The following IL3RA variants were observed in gnomAD, a reference collection of about 807,000 sequenced individuals.
IL3RA encodes interleukin-3 receptor subunit alpha.
IL3RA carries 73 observed loss-of-function variants against 52.3 expected under a neutral mutation model. The ratio of observed to expected loss-of-function variants is 1.40; its 90% CI spans 1.16 to 1.70. The LOEUF (loss-of-function observed/expected upper bound fraction) is 1.70, where lower values mean the gene tolerates loss of function less well. Among genes scored for constraint, IL3RA ranks in the 40% most tolerant of loss-of-function variants. IL3RA has a pLI of 0.00. For missense variants in IL3RA, 664 were observed against 504.4 expected (o/e 1.32, Z -3.03); for synonymous variants, 260 against 194.0 (o/e 1.34, Z -2.83).
At chrX:1,340,950 C>T (rs1165565103) in intron 1 of IL3RA, among the ~76,000 whole-genome samples, 2 of 152,262 alleles carry the variant, frequency 1.3e-5, no homozygotes, top group South Asian at 2.1e-4. Context: ...AACCCCGTCT[C>T]TGCTAAAAAT....
At chrX:1,342,421 C>T (rs1371563288) in intron 2 of IL3RA, among the ~76,000 whole-genome samples, 1 of 151,984 alleles carries the variant, frequency 6.6e-6, no homozygotes, top group African/African-American at 2.4e-5. Context: ...CTGCCTTGGC[C>T]TCCCAAAGTG....
At chrX:1,367,785 CTGAGCGGGGTGCGCCGGG>C (rs1486486539) in intron 9 of IL3RA, among the ~76,000 whole-genome samples, 2 of 35,420 alleles carry the variant, frequency 5.6e-5, no homozygotes, top group African/African-American at 2.3e-4. Context: ...GGTGCGCGGG[CTGAGCGGGGTGCGCCGGG>C]TGAGCGGGGT....
intron 1 of IL3RA, among the ~76,000 whole-genome samples, chrX:1,339,752 A>C (rs1230524501): frequency 6.6e-6 from 1 of 152,086 alleles, no homozygotes; most frequent in Non-Finnish European, 1.5e-5. Flanking sequence ...AGATCGCGCC[A>C]CTGCACTCCG....
chrX:1,359,801 CCTCTCTTTCT>C (rs1468115043), intron 8 of IL3RA, among the ~76,000 whole-genome samples: 8 of 146,028 alleles, frequency 5.5e-5, no homozygotes, highest in Non-Finnish European at 1.2e-4. Context: ...ATTCTCCCTC[CCTCTCTTTCT>C]CTCTCTCTCT....
rs201691116 is a variant in IL3RA at position 1,378,790 on chromosome X, C to T, written c.980+26C>T. ...GTGAGCCCTCGAGGGCGTCCGCGAG[C>T]GTCGCTTGTTTCCAGTGTGACCCTG... On this transcript the variant is annotated intron_variant, in intron 10 of 11. Coordinates refer to ENST00000331035, the MANE Select transcript of IL3RA (RefSeq NM_002183.4). The T allele has an allele frequency of 2.3e-4, 361 of 1,591,048 alleles. 1 individual carries two copies. In the East Asian group the frequency reaches 2.6e-3, roughly 12 times the overall value.
At chrX:1,351,501 G>T (rs1420620190) in intron 4 of IL3RA, among the ~76,000 whole-genome samples, 9 of 130,520 alleles carry the variant, frequency 6.9e-5, no homozygotes. Flanking sequence ...GCTAATTTTT[G>T]TATTTTTAGT....
chrX:1,347,422 G>A (rs1221063593), intron 3 of IL3RA, among the ~76,000 whole-genome samples: 1 of 151,214 alleles, frequency 6.6e-6, no homozygotes, highest in East Asian at 1.9e-4. Context: ...TCCAGCCTGG[G>A]CGACAGAGCG....
intron 4 of IL3RA, among the ~76,000 whole-genome samples, chrX:1,350,112 G>A (rs1468605449): frequency 4.6e-5 from 7 of 152,190 alleles, no homozygotes; most frequent in Admixed American, 1.3e-4. Context: ...GGGTTGCAGG[G>A]ATATAAGCAG....
rs368813234 is a variant in IL3RA, at chrX:1,364,640, T to C, written c.760-498T>C. ...CATGTGTCACCACGTCTGGTAATTTTTACAGTTTTTTTTTTTTGGTAAAGA... is the reference window on the plus strand; with the variant it reads ...CATGTGTCACCACGTCTGGTAATTTCTACAGTTTTTTTTTTTTGGTAAAGA... On this transcript the variant is annotated intron_variant, in intron 8 of 11. Transcript: ENST00000331035. Among the ~76,000 whole-genome samples the C allele has an allele frequency of 5.3e-5, 8 of 150,562 alleles. No individual in the cohort carries two copies. In the East Asian group the frequency reaches 1.2e-3, roughly 22 times the overall value.
intron 9 of IL3RA, among the ~76,000 whole-genome samples, chrX:1,377,458 G>T (rs1407756865): frequency 1.3e-5 from 2 of 151,918 alleles, no homozygotes; most frequent in East Asian, 1.9e-4. Context: ...GGCCAGGCTG[G>T]TCTCATACTC....
intron 8 of IL3RA, among the ~76,000 whole-genome samples, chrX:1,364,388 G>A (rs1410041368): frequency 3.3e-5 from 5 of 152,080 alleles, no homozygotes; most frequent in Non-Finnish European, 5.9e-5. Flanking sequence ...CTACTCGGGA[G>A]GCTGAGGCAG....
At chrX:1,351,241 A>C (rs2086068876) in intron 4 of IL3RA, among the ~76,000 whole-genome samples, 1 of 151,972 alleles carries the variant, frequency 6.6e-6, no homozygotes, top group Non-Finnish European at 1.5e-5. Flanking sequence ...AATATGCAGG[A>C]TCTCTCCATA....
chrX:1,337,080 C>G (rs1403510610), intron 1 of IL3RA, among the ~76,000 whole-genome samples, 154 bp downstream of exon 1: 1 of 152,176 alleles, frequency 6.6e-6, no homozygotes, highest in African/African-American at 2.4e-5. Flanking sequence ...CACCACACCA[C>G]ACATAGAATG....
intron 10 of IL3RA, among the ~76,000 whole-genome samples, chrX:1,379,394 G>A (rs2089017753): frequency 3.3e-5 from 5 of 152,144 alleles, no homozygotes; most frequent in Admixed American, 3.3e-4. Context: ...GGCCTCAAGT[G>A]ATCCCCCAGC....
intron 4 of IL3RA, among the ~76,000 whole-genome samples, 173 bp downstream of exon 4, chrX:1,348,718 T>G: frequency 1.3e-5 from 1 of 75,186 alleles, no homozygotes; most frequent in African/African-American, 9.5e-5. Flanking sequence ...TTCTGTTTCT[T>G]TCTTCCTTTC....
intron 9 of IL3RA, among the ~76,000 whole-genome samples, chrX:1,377,532 C>G (rs1278446644): frequency 6.6e-6 from 1 of 152,024 alleles, no homozygotes; most frequent in Non-Finnish European, 1.5e-5. Context: ...CGTGAGCCAC[C>G]GCGCCCGGCC....
At chrX:1,361,404 G>A (rs1164318929) in intron 8 of IL3RA, among the ~76,000 whole-genome samples, 2 of 152,068 alleles carry the variant, frequency 1.3e-5, no homozygotes, top group East Asian at 1.9e-4. Context: ...TCACGATCAC[G>A]GCAGAAGGTG....
At chrX:1,340,790 GC>G (rs2085459178) in intron 1 of IL3RA, among the ~76,000 whole-genome samples, 1 of 152,060 alleles carries the variant, frequency 6.6e-6, no homozygotes, top group Non-Finnish European at 1.5e-5. Context: ...TCCGAGACCA[GC>G]CTGGCCAACA....
chrX:1,352,072 G>A (rs369933268), intron 4 of IL3RA, 28 bp from the exon 5 acceptor site: 7 of 1,611,724 alleles, frequency 4.3e-6, no homozygotes, highest in African/African-American at 1.3e-5. Flanking sequence ...GTCCCGATTC[G>A]AGTTCTCTTT....
Sources: gnomAD v4.1 joint callset for allele counts (sites outside exome capture counted in the v4.1 genomes callset) on GRCh38, gnomAD v4.1.1 for gene constraint, MANE v1.5 for transcripts, NCBI Gene and HGNC (gene_info 2026-07-23, HGNC 2026-07-21) for gene names.